CPQ: variants seen among roughly 807,000 people sequenced by gnomAD.
The protein encoded by CPQ is Ser-Met dipeptidase.
A neutral mutation model predicts 45.7 loss-of-function variants in CPQ; 37 were observed. The observed-to-expected ratio is 0.81, with a 90% CI of 0.62 to 1.07. The LOEUF is 1.07. CPQ is among the 50% of genes least tolerant of loss of function. The probability of loss-of-function intolerance (pLI) is 0.00; values close to 1 mark genes in which losing one functional copy is unlikely to be tolerated. For missense variants in CPQ, 537 were observed against 572.9 expected (o/e 0.94, Z 0.64); for synonymous variants, 186 against 205.8 (o/e 0.90, Z 0.82).
intron 1 of CPQ, among the ~76,000 whole-genome samples, chr8:96,758,802 C>T (rs185573957): frequency 6.6e-6 from 1 of 152,202 alleles, no homozygotes; most frequent in Admixed American, 6.5e-5. Flanking sequence ...CTCAGCTTCC[C>T]TCCCAGTCTT....
At chr8:96,669,765 A>T (rs1265746879) in intron 1 of CPQ, among the ~76,000 whole-genome samples, 1 of 152,246 alleles carries the variant, frequency 6.6e-6, no homozygotes, top group Non-Finnish European at 1.5e-5. Flanking sequence ...CTTCATATGT[A>T]AACATATAGG....
intron 4 of CPQ, among the ~76,000 whole-genome samples, chr8:96,898,321 C>T (rs112461432): frequency 3.4e-4 from 51 of 152,182 alleles, no homozygotes; most frequent in African/African-American, 1.2e-3. Flanking sequence ...CAAGCTTTGG[C>T]ACAGAGTTGT....
chr8:96,765,880 C>G (rs1810461861), intron 1 of CPQ, among the ~76,000 whole-genome samples: 1 of 152,152 alleles, frequency 6.6e-6, no homozygotes, highest in African/African-American at 2.4e-5. Context: ...CTTCAATGAA[C>G]CTTTGGTCTA....
At chr8:97,108,986 T>C (rs1368257218) in intron 7 of CPQ, among the ~76,000 whole-genome samples, 1 of 152,194 alleles carries the variant, frequency 6.6e-6, no homozygotes, top group Admixed American at 6.5e-5. Context: ...CAGCATAGCT[T>C]GTAACTCATC....
intron 7 of CPQ, among the ~76,000 whole-genome samples, chr8:97,078,364 A>G (rs1237305952): frequency 6.6e-6 from 1 of 152,162 alleles, no homozygotes; most frequent in Non-Finnish European, 1.5e-5. Context: ...GTGTGTTGCT[A>G]CTGGATTGTT....
chr8:96,797,577 T>C (rs1040881592), intron 2 of CPQ, among the ~76,000 whole-genome samples: 1 of 152,260 alleles, frequency 6.6e-6, no homozygotes, highest in African/African-American at 2.4e-5. Flanking sequence ...TCTGATGGAT[T>C]GAAGGGAAAT....
At chr8:97,018,923 A>G (rs1003463332) in intron 5 of CPQ, among the ~76,000 whole-genome samples, 1 of 152,214 alleles carries the variant, frequency 6.6e-6, no homozygotes, top group African/African-American at 2.4e-5. Context: ...ACCTAGGCAC[A>G]TTGTCCTCAG....
intron 7 of CPQ, among the ~76,000 whole-genome samples, chr8:97,082,430 G>A (rs1810965949): frequency 6.6e-6 from 1 of 152,146 alleles, no homozygotes; most frequent in Non-Finnish European, 1.5e-5. Context: ...GAGAAGGAGT[G>A]CTGTGCAGGT....
At chr8:96,970,991 G>A (rs1284303658) in intron 5 of CPQ, among the ~76,000 whole-genome samples, 3 of 152,224 alleles carry the variant, frequency 2.0e-5, no homozygotes, top group Middle Eastern at 3.2e-3. Context: ...GGTCAGATAA[G>A]TTTGGGAACT....
At position 96,835,001 on chromosome 8, in the gene CPQ, C is replaced by T. The variant is rs764112917; in HGVS notation, c.462C>T (p.Thr154=). The change falls in exon 3 of 8, where the codon ACC becomes ACT. Residue 154 remains threonine, a synonymous_variant. Transcript: ENST00000220763. ...EGITAEVLVV[T]SFDELQRRAS... is the part of the protein sequence containing the mutation. ...TTACAGCAGAAGTTCTGGTGGTGAC[C>T]TCTTTCGATGAACTGCAGAGAAGGG... is the stretch of plus-strand genomic sequence containing the variant. The T allele has an allele frequency of 1.9e-6, 3 of 1,613,192 alleles. No homozygotes were observed. Among genetic ancestry groups the T allele is most frequent in the South Asian group, 1.1e-5 (1 of 90,964 alleles).
rs1265321076 is a variant in CPQ at position 96,879,845 on chromosome 8, C to T, written c.689C>T (p.Pro230Leu). Residue 230 changes from proline (P) to leucine (L), a missense_variant, in exon 4 of 8, where the codon CCA becomes CTA. Physicochemically the swap from Pro to Leu is moderately conservative, Grantham distance 98 (BLOSUM62 -3). Coordinates refer to ENST00000220763, the MANE Select transcript of CPQ (RefSeq NM_016134.4). ...TACCAGGATGGCGTGCCCAAGATTC[C>T]AACAGCCTGTATTACGGTGGAAGAT... ...QEYQDGVPKI[P>L]TACITVEDAE... 1.2e-6 allele frequency: 2 copies of T among 1,613,908 alleles called. No homozygotes were observed. The highest frequency in any genetic ancestry group is 1.7e-6 in the Non-Finnish European group (2 of 1,179,974).
chr8:96,936,172 A>G (rs936794264), intron 4 of CPQ, among the ~76,000 whole-genome samples: 8 of 152,162 alleles, frequency 5.3e-5, no homozygotes, highest in Admixed American at 2.0e-4. Flanking sequence ...CAGTGCAGCA[A>G]TGGGGTACAG....
chr8:96,793,791 A>G (rs1810885296), intron 2 of CPQ, among the ~76,000 whole-genome samples: 2 of 152,226 alleles, frequency 1.3e-5, no homozygotes, highest in South Asian at 4.1e-4. Flanking sequence ...GGGTAAATAC[A>G]GCCATTCCTT....
intron 2 of CPQ, among the ~76,000 whole-genome samples, chr8:96,805,107 C>T (rs1186669238): frequency 6.6e-6 from 1 of 152,118 alleles, no homozygotes; most frequent in Non-Finnish European, 1.5e-5. Context: ...AAGTTTCCTG[C>T]AGCCTTTTAA....
At chr8:96,710,569 A>T (rs1355115732) in intron 1 of CPQ, among the ~76,000 whole-genome samples, 1 of 152,104 alleles carries the variant, frequency 6.6e-6, no homozygotes, top group Non-Finnish European at 1.5e-5. Context: ...ATTTTGAATC[A>T]TTTTTATATT....
intron 4 of CPQ, among the ~76,000 whole-genome samples, chr8:96,938,861 T>C (rs1390190538): frequency 6.6e-6 from 1 of 152,198 alleles, no homozygotes; most frequent in Admixed American, 6.6e-5. Context: ...CATATAGTTT[T>C]AGGAGCTTTT....
At chr8:96,757,863 T>G (rs1416780121) in intron 1 of CPQ, among the ~76,000 whole-genome samples, 1 of 152,174 alleles carries the variant, frequency 6.6e-6, no homozygotes, top group Non-Finnish European at 1.5e-5. Context: ...ATTCTTGAAT[T>G]GTGTGAGATT....
chr8:96,716,665 T>C (rs1270355047), intron 1 of CPQ, among the ~76,000 whole-genome samples: 1 of 152,090 alleles, frequency 6.6e-6, no homozygotes, highest in Non-Finnish European at 1.5e-5. Flanking sequence ...CCTAGCACTT[T>C]GGGAGGCTGA....
At chr8:96,876,513 T>C (rs1268244966) in intron 3 of CPQ, among the ~76,000 whole-genome samples, 1 of 152,142 alleles carries the variant, frequency 6.6e-6, no homozygotes, top group Non-Finnish European at 1.5e-5. Context: ...ATTTCTGATC[T>C]CAGGGGAAAA....
Sources: allele counts gnomAD v4.1 joint callset (sites outside exome capture counted in the v4.1 genomes callset), GRCh38; gene constraint gnomAD v4.1.1; transcripts MANE v1.5; gene names NCBI Gene and HGNC (gene_info 2026-07-23, HGNC 2026-07-21).